FBN3: variants seen among roughly 807,000 people sequenced by gnomAD.
FBN3 encodes fibrillin 3.
A neutral mutation model predicts 330.1 loss-of-function variants in FBN3; 234 were observed. The observed-to-expected ratio is 0.71, with a 90% CI of 0.64 to 0.79. The LOEUF (loss-of-function observed/expected upper bound fraction) is 0.79. FBN3 is among the 30% of genes least tolerant of loss of function. The pLI is 0.00. For missense variants in FBN3, 3,606 were observed against 3,886.9 expected, an observed-to-expected ratio of 0.93 and a Z score of 1.92; for synonymous variants, 1,458 against 1,517.3, an observed-to-expected ratio of 0.96 and a Z score of 0.91.
rs35442268 is a variant in FBN3 at position 8,109,382 on chromosome 19, C to T, written c.4463G>A (p.Arg1488Gln). ...CGTCTCCAGGAAACAGTTCCCGGCC[C>T]GAGTGTCTGAACAGGCAGAAGGGGA... is the stretch of plus-strand genomic sequence containing the variant. ...NPSGVGCVDT[R>Q]AGNCFLETHD... Residue 1488 changes from arginine (R) to glutamine (Q), a missense_variant, in exon 36 of 64, where the codon CGG (arginine) becomes CAG (glutamine). By Grantham distance (43) the Arg-to-Gln change is conservative. Coordinates refer to ENST00000600128, the MANE Select transcript of FBN3 (RefSeq NM_032447.5). This position sits in a 1 kb window ranked among gnomAD's most constrained non-coding sequence, Gnocchi z 5.2. 4.1e-4 allele frequency: 664 copies of T among 1,614,064 alleles called. 6 individuals carry two copies. In the African/African-American group the frequency reaches 7.5e-3, roughly 18 times the overall value.
chr19:8,091,586 G>A lies in FBN3; in HGVS notation c.5910C>T (p.Ile1970=), dbSNP rs567421534. 8.1e-6 allele frequency: 13 copies of A among 1,614,098 alleles called. No homozygotes were observed. Among genetic ancestry groups the A allele is most frequent in the Non-Finnish European group, 9.3e-6 (11 of 1,179,998 alleles). The change falls in exon 48 of 64, where the codon ATC becomes ATT. Residue 1970 remains isoleucine (I), a synonymous_variant. Transcript: ENST00000600128. ...FQVQSDHCID[I]DECSEEPNLC... ...GGTTGGGCTCCTCTGAGCACTCGTC[G>A]ATATCTGGAAGGGCAGGGACATGAG...
chr19:8,142,062 G>C lies in FBN3; in HGVS notation c.617C>G (p.Thr206Ser). 1 of 1,614,052 alleles carries C rather than the reference G, an allele frequency of 6.2e-7. No individual in the cohort carries two copies. Reference protein sequence around the residue: ...CQHQLTGLVCTKALCCATVGR... With the variant: ...CQHQLTGLVCSKALCCATVGR... ...CACAGTGGCACAGCAAAGTGCCTTG[G>C]TGCACACGAGGCCCGTCAGCTGATG... Residue 206 changes from threonine (T) to serine (S), a missense_variant, in exon 7 of 64, where the codon ACC (threonine) becomes AGC (serine). By Grantham distance (58) the Thr-to-Ser change is moderately conservative. Coordinates refer to ENST00000600128, the MANE Select transcript of FBN3 (RefSeq NM_032447.5).
At chr19:8,072,277 A>C in intron 62 of FBN3, 79 bp from the exon 63 acceptor site, 2 of 1,409,396 alleles carry the variant, frequency 1.4e-6, no homozygotes, top group Non-Finnish European at 1.9e-6. Flanking sequence ...TCCACCCCAT[A>C]CTCCGTTCTG....
Position 8,115,614 on chromosome 19 carries a change from G to T in FBN3, c.3739C>A (p.His1247Asn). Reference sequence around the variant, plus strand: ...TCGCAGTCCCCATGGAGGCAGATGTGAGGGTTCAGGTCACACTCATCCACA... The same window carrying T: ...TCGCAGTCCCCATGGAGGCAGATGTTAGGGTTCAGGTCACACTCATCCACA... ...VDVDECDLNPHICLHGDCENT... is the reference protein window; with the variant it reads ...VDVDECDLNPNICLHGDCENT... Residue 1247 changes from histidine (H) to asparagine (N), a missense_variant, in exon 30 of 64, where the codon CAC (histidine) becomes AAC (asparagine). Physicochemically the swap from His to Asn is moderately conservative, Grantham distance 68. Transcript: ENST00000600128. 1 of 1,614,098 alleles carries T rather than the reference G, an allele frequency of 6.2e-7. No individual in the cohort carries two copies. Among genetic ancestry groups the T allele is most frequent in the Non-Finnish European group, 8.5e-7 (1 of 1,180,002 alleles).
At chr19:8,083,821 G>A (rs964433601) in intron 56 of FBN3, among the ~76,000 whole-genome samples, 1 of 38,254 alleles carries the variant, frequency 2.6e-5, no homozygotes, top group Non-Finnish European at 5.7e-5. Flanking sequence ...TTTTTTTTTT[G>A]AGACAGAGTC....
At chr19:8,125,082 A>G (rs2082946654) in intron 22 of FBN3, among the ~76,000 whole-genome samples, 1 of 152,118 alleles carries the variant, frequency 6.6e-6, no homozygotes, top group African/African-American at 2.4e-5. Flanking sequence ...GGTGGGGGCT[A>G]TGTGTTCATA....
chr19:8,131,684 G>A lies in FBN3; in HGVS notation c.1860C>T (p.Cys620=), dbSNP rs1013511926. The A allele has an allele frequency of 1.2e-6, 2 of 1,614,182 alleles. No individual in the cohort carries two copies. The highest frequency in any genetic ancestry group is 1.7e-6 in the Non-Finnish European group (2 of 1,180,040). The change falls in exon 15 of 64, where the codon TGC becomes TGT. Residue 620 remains cysteine (C), a synonymous_variant. Coordinates refer to ENST00000600128, the MANE Select transcript of FBN3 (RefSeq NM_032447.5). This position sits in a 1 kb window ranked among gnomAD's most constrained non-coding sequence, Gnocchi z 4.5. ...VCVDTHVRST[C]YGAIEKGSCA... ...AGGAGCCCTTCTCGATGGCCCCATA[G>A]CAGGTGCTGCGCACGTGGGTGTCCA...
intron 63 of FBN3, among the ~76,000 whole-genome samples, chr19:8,068,528 T>C (rs573574439): frequency 2.0e-5 from 3 of 151,884 alleles, no homozygotes; most frequent in Non-Finnish European, 4.4e-5. Flanking sequence ...GAACCCCGTC[T>C]CTACAAAAAA....
intron 25 of FBN3, among the ~76,000 whole-genome samples, chr19:8,119,658 C>T (rs763877963): frequency 4.6e-5 from 7 of 151,580 alleles, no homozygotes; most frequent in Non-Finnish European, 1.0e-4. Context: ...GGATTACAGG[C>T]ATGCATCACC....
At chr19:8,125,162 G>A (rs537902656) in intron 22 of FBN3, among the ~76,000 whole-genome samples, 1 of 152,286 alleles carries the variant, frequency 6.6e-6, no homozygotes, top group East Asian at 1.9e-4. Context: ...GGGATGCTGA[G>A]GTAGGGGGAT....
intron 56 of FBN3, among the ~76,000 whole-genome samples, chr19:8,085,011 C>T (rs2081903703): frequency 6.6e-6 from 1 of 152,072 alleles, no homozygotes; most frequent in Non-Finnish European, 1.5e-5. Context: ...TTCAGCCTCC[C>T]AAAGTGCTGG....
chr19:8,111,962 C>T lies in FBN3; in HGVS notation c.3961+15G>A. The stretch of plus-strand genomic sequence containing the variant: ...TCTACTGCTTTGCCCCCACTCCCTG[C>T]CCCCAGGTACTCACCGTGACATTCG... On this transcript the variant is annotated intron_variant, in intron 31 of 63. Coordinates refer to ENST00000600128, the MANE Select transcript of FBN3 (RefSeq NM_032447.5). 1 of 1,499,684 alleles carries T rather than the reference C, an allele frequency of 6.7e-7. No individual in the cohort carries two copies. Among genetic ancestry groups the T allele is most frequent in the Non-Finnish European group, 9.1e-7 (1 of 1,099,554 alleles). 92.9% of individuals were successfully genotyped at this position (1,499,684 alleles called of 1,614,324 possible).
chr19:8,140,137 G>A (rs139790312), intron 8 of FBN3, among the ~76,000 whole-genome samples: 163 of 152,302 alleles, frequency 1.1e-3, no homozygotes, highest in African/African-American at 3.7e-3. Flanking sequence ...ACAGGCAACA[G>A]TCCCTCAAGC....
intron 51 of FBN3, 124 bp from the exon 52 acceptor site, chr19:8,088,303 G>C: frequency 8.3e-7 from 1 of 1,204,522 alleles, no homozygotes; most frequent in East Asian, 2.4e-5. Flanking sequence ...CCTCTAGTCT[G>C]GCTATGGGGC....
At chr19:8,139,079 T>C (rs2083354475) in intron 8 of FBN3, among the ~76,000 whole-genome samples, 1 of 151,284 alleles carries the variant, frequency 6.6e-6, no homozygotes, top group African/African-American at 2.4e-5. Flanking sequence ...CCGGGCGCAG[T>C]GGCTCACGCC....
intron 6 of FBN3, 68 bp downstream of exon 6, chr19:8,144,809 G>A: frequency 7.7e-7 from 1 of 1,298,916 alleles, no homozygotes; most frequent in Non-Finnish European, 1.1e-6. Context: ...ATGTCTCAGG[G>A]ACTTCCAGGA....
Position 8,087,897 on chromosome 19 carries a change from T to C in FBN3, c.6547A>G (p.Asn2183Asp), listed in dbSNP as rs1299024182. 1.2e-6 allele frequency: 2 copies of C among 1,613,992 alleles called. No homozygotes were observed. The highest frequency in any genetic ancestry group is 2.7e-5 in the African/African-American group (2 of 74,892). ...NPLLCAFRCHNTEGSYLCTCP... is the reference protein window; with the variant it reads ...NPLLCAFRCHDTEGSYLCTCP... Reference sequence around the variant, plus strand: ...GTGCACAGGTAGGAGCCCTCGGTATTGTGGCAGCGGAAGGCACAGAGCAGC... The same window carrying C: ...GTGCACAGGTAGGAGCCCTCGGTATCGTGGCAGCGGAAGGCACAGAGCAGC... Residue 2183 changes from asparagine to aspartate, a missense_variant, in exon 53 of 64, where the codon AAT (asparagine) becomes GAT (aspartate). Asn to Asp is a conservative substitution (Grantham distance 23). Coordinates refer to ENST00000600128, the MANE Select transcript of FBN3 (RefSeq NM_032447.5).
rs757849592 is a variant in FBN3, at chr19:8,126,399, C to G, written c.2555-52G>C. 3 of 1,585,892 alleles carry G rather than the reference C, an allele frequency of 1.9e-6. No individual in the cohort carries two copies. In the South Asian group the frequency reaches 3.4e-5, roughly 18 times the overall value. ...AGAGGAGTCATTTTCTCATGCCAGC[C>G]CAAGGGGGGACCCGCCCCATGGAGG... On this transcript the variant is annotated intron_variant, in intron 20 of 63. Transcript: ENST00000600128.
rs1437694954 is a variant in FBN3, at chr19:8,114,807, C to G, written c.3838+708G>C. On this transcript the variant is annotated intron_variant, in intron 30 of 63. Coordinates refer to ENST00000600128, the MANE Select transcript of FBN3 (RefSeq NM_032447.5). The stretch of plus-strand genomic sequence containing the variant: ...CCCAGGCTGGAGTGCAGTGGCTCGA[C>G]CTCGGCTCACTGCAAGCTTCGCCTC... Among the ~76,000 whole-genome samples the G allele has an allele frequency of 2.0e-5, 3 of 151,544 alleles. No homozygotes were observed. In the East Asian group the frequency reaches 5.9e-4, roughly 30 times the overall value.
Sources: gnomAD v4.1 joint callset for allele counts (sites outside exome capture counted in the v4.1 genomes callset) on GRCh38, gnomAD v4.1.1 for gene constraint, Gnocchi (gnomAD v3.1) non-coding constraint, MANE v1.5 for transcripts, NCBI Gene and HGNC (gene_info 2026-07-23, HGNC 2026-07-21) for gene names.